TRAPPC9: variants seen among roughly 807,000 people sequenced by gnomAD.
TRAPPC9 encodes the protein trafficking protein particle complex subunit 9, also known as IKK2 binding protein.
Under a neutral mutation model 124.0 loss-of-function variants are expected in TRAPPC9, and 83 were observed. The observed-to-expected ratio is 0.67, with a 90% CI of 0.56 to 0.80. TRAPPC9 has a LOEUF of 0.80. TRAPPC9 is among the 30% of genes least tolerant of loss of function. The probability of loss-of-function intolerance (pLI) is 0.00; values close to 1 mark genes in which losing one functional copy is unlikely to be tolerated. For synonymous variants in TRAPPC9, 638 were observed against 617.5 expected (o/e 1.03, Z -0.49); for missense variants, 1,302 against 1,508.3 (o/e 0.86, Z 2.27).
intron 15 of TRAPPC9, among the ~76,000 whole-genome samples, chr8:140,255,373 C>T (rs1482447695): frequency 1.3e-5 from 2 of 152,230 alleles, no homozygotes; most frequent in African/African-American, 2.4e-5. Flanking sequence ...GCATATTATA[C>T]ATGTTTGATA....
chr8:139,896,690 C>A (rs1830689889), intron 20 of TRAPPC9, among the ~76,000 whole-genome samples: 1 of 152,306 alleles, frequency 6.6e-6, no homozygotes, highest in Middle Eastern at 3.4e-3. Flanking sequence ...AAACCAGGAG[C>A]CATGAGTCCC....
chr8:140,415,903 G>C (rs2069912825), intron 5 of TRAPPC9, among the ~76,000 whole-genome samples: 1 of 152,114 alleles, frequency 6.6e-6, no homozygotes, highest in Admixed American at 6.6e-5. Flanking sequence ...GACGACTATA[G>C]TGAACTATGA....
intron 17 of TRAPPC9, chr8:140,100,486 T>G (rs944355457): frequency 6.6e-6 from 1 of 152,244 alleles, no homozygotes; most frequent in East Asian, 1.9e-4. Context: ...AGCCGCAACA[T>G]GATCCGCGTA....
chr8:139,729,647 A>G lies in TRAPPC9; in HGVS notation c.*1414T>C, dbSNP rs1255971863. The stretch of plus-strand genomic sequence containing the variant: ...AGATGGAACAAAAAATTTGTTCCTT[A>G]GGCCGGAGGCCACAGGGTGACCTTG... On this transcript the variant is annotated 3_prime_UTR_variant, in exon 23 of 23. Coordinates refer to ENST00000438773, the MANE Select transcript of TRAPPC9 (RefSeq NM_001160372.4). Among the ~76,000 whole-genome samples the G allele has an allele frequency of 6.6e-6, 1 of 152,204 alleles. No individual in the cohort carries two copies. Among genetic ancestry groups the G allele is most frequent in the Non-Finnish European group, 1.5e-5 (1 of 68,032 alleles).
intron 9 of TRAPPC9, among the ~76,000 whole-genome samples, chr8:140,355,006 T>C (rs1338446722): frequency 6.6e-6 from 1 of 152,256 alleles, no homozygotes; most frequent in Non-Finnish European, 1.5e-5. Context: ...TGTTCAACAG[T>C]ATCAAGTGTC....
intron 15 of TRAPPC9, among the ~76,000 whole-genome samples, chr8:140,254,388 G>A (rs936223434): frequency 3.9e-5 from 6 of 152,322 alleles, no homozygotes; most frequent in African/African-American, 1.4e-4. Context: ...CCAGCCCCTG[G>A]GCAGCTGCTC....
At chr8:140,088,458 C>T (rs906727816) in intron 17 of TRAPPC9, among the ~76,000 whole-genome samples, 3 of 152,190 alleles carry the variant, frequency 2.0e-5, no homozygotes, top group African/African-American at 4.8e-5. Flanking sequence ...GCCTCATCTC[C>T]GCTTAAACAC....
rs1819192595 is a variant in TRAPPC9, at chr8:139,749,765, CG to C, written c.3056-17564del. ...GCCCATCTGCTTGAACCGCCAGAGC[CG>C]GGCAGCTGGATGAGCGGGTGGCGGT... On this transcript the variant is annotated intron_variant, in intron 21 of 22. Transcript: ENST00000438773. Among the ~76,000 whole-genome samples, 3 of 152,318 alleles carry C rather than the reference CG, an allele frequency of 2.0e-5. No individual in the cohort carries two copies. In the South Asian group the frequency reaches 6.2e-4, roughly 32 times the overall value.
At chr8:140,417,273 G>A (rs952922053) in intron 5 of TRAPPC9, among the ~76,000 whole-genome samples, 6 of 152,112 alleles carry the variant, frequency 3.9e-5, no homozygotes, top group African/African-American at 1.4e-4. Flanking sequence ...AGAGTCAACA[G>A]GCAACCTACA....
intron 21 of TRAPPC9, among the ~76,000 whole-genome samples, chr8:139,835,750 G>C (rs1200499785): frequency 6.6e-6 from 1 of 151,580 alleles, no homozygotes; most frequent in Non-Finnish European, 1.5e-5. Flanking sequence ...AGACATGAGA[G>C]GGAAAGCTGA....
intron 19 of TRAPPC9, among the ~76,000 whole-genome samples, chr8:139,972,469 T>G (rs180789469): frequency 6.6e-6 from 1 of 152,198 alleles, no homozygotes; most frequent in Admixed American, 6.5e-5. Flanking sequence ...TTCCTCTGCA[T>G]CCTTGCAAAT....
chr8:139,856,518 T>C (rs756190024), intron 21 of TRAPPC9, among the ~76,000 whole-genome samples: 11 of 151,780 alleles, frequency 7.2e-5, no homozygotes, highest in Non-Finnish European at 1.5e-4. Context: ...AGGAGAGAGG[T>C]GTGGGACAAT....
chr8:140,124,326 A>G (rs2061042778), intron 17 of TRAPPC9, among the ~76,000 whole-genome samples: 1 of 151,964 alleles, frequency 6.6e-6, no homozygotes, highest in Admixed American at 6.5e-5. Flanking sequence ...CCCTTGCTGC[A>G]TTGCCCCAGC....
intron 21 of TRAPPC9, among the ~76,000 whole-genome samples, chr8:139,801,708 A>C (rs1289688245): frequency 6.6e-6 from 1 of 152,156 alleles, no homozygotes; most frequent in East Asian, 1.9e-4. Flanking sequence ...CGCAGACGGG[A>C]CCTGCCAGGA....
intron 18 of TRAPPC9, among the ~76,000 whole-genome samples, chr8:140,013,827 C>T (rs541375390): frequency 6.6e-6 from 1 of 152,234 alleles, no homozygotes; most frequent in South Asian, 2.1e-4. Flanking sequence ...TACAACCCTG[C>T]ACAGTCAGTG....
chr8:140,312,410 G>T (rs1341928529), intron 9 of TRAPPC9, among the ~76,000 whole-genome samples: 2 of 152,196 alleles, frequency 1.3e-5, no homozygotes, highest in Non-Finnish European at 2.9e-5. Flanking sequence ...CTTAGGGGAA[G>T]TCCTTCAACC....
intron 18 of TRAPPC9, among the ~76,000 whole-genome samples, chr8:140,013,139 T>C (rs1198119798): frequency 1.3e-5 from 2 of 152,184 alleles, no homozygotes; most frequent in African/African-American, 4.8e-5. Flanking sequence ...TGTGAAAAGA[T>C]GCTGCTGCTC....
chr8:139,934,280 CAGAGAG>C (rs34430255), intron 19 of TRAPPC9, among the ~76,000 whole-genome samples: 16 of 148,830 alleles, frequency 1.1e-4, no homozygotes, highest in Middle Eastern at 3.5e-3. Context: ...CAAGTCCAGT[CAGAGAG>C]AGAGAGAGAG....
intron 17 of TRAPPC9, among the ~76,000 whole-genome samples, chr8:140,121,585 G>A (rs1314547018): frequency 1.3e-5 from 2 of 152,146 alleles, no homozygotes; most frequent in African/African-American, 4.8e-5. Flanking sequence ...AGGACAGAGT[G>A]GATTCAGAGA....
Sources: gnomAD v4.1 joint callset for allele counts (sites outside exome capture counted in the v4.1 genomes callset) on GRCh38, gnomAD v4.1.1 for gene constraint, MANE v1.5 for transcripts, NCBI Gene and HGNC (gene_info 2026-07-23, HGNC 2026-07-21) for gene names.